The following HAUS5 variants were observed in gnomAD, a reference collection of about 807,000 sequenced individuals.
HAUS5 encodes HAUS augmin-like complex subunit 5.
Under a neutral mutation model 94.1 loss-of-function variants are expected in HAUS5, and 67 were observed. That is an observed-to-expected ratio of 0.71 (90% CI 0.58 to 0.87). The LOEUF is 0.87. Ranked by LOEUF, HAUS5 falls within the 40% of genes least tolerant of loss-of-function variation. The probability of loss-of-function intolerance (pLI) is 0.00; values close to 1 mark genes in which losing one functional copy is unlikely to be tolerated. For synonymous variants in HAUS5, 339 were observed against 355.4 expected (o/e 0.95, Z 0.52); for missense variants, 739 against 825.6 (o/e 0.90, Z 1.29).
intron 18 of HAUS5, 32 bp from the exon 19 acceptor site, chr19:35,622,844 C>T (rs1462240322): frequency 6.2e-7 from 1 of 1,606,072 alleles, no homozygotes. Context: ...GAGGGTCAGT[C>T]CTTTCCTCGT....
In HAUS5 at chr19:35,614,031, CTAGG is replaced by C. The variant is rs1415611876; in HGVS notation, c.195-1_197del. ...ATCCGCTGACTCTGGCCTCGTTTTC[CTAGG>C]TATGGCCACCAGGACAGTCCACAGG... On this transcript the variant is annotated splice_acceptor_variant and splice_polypyrimidine_tract_variant and coding_sequence_variant and intron_variant, in exon 4 of 19. Transcript: ENST00000203166. LOFTEE classifies it high-confidence loss of function. 1.2e-6 allele frequency: 2 copies of C among 1,613,852 alleles called. No homozygotes were observed. Among genetic ancestry groups the C allele is most frequent in the Non-Finnish European group, 1.7e-6 (2 of 1,179,874 alleles).
rs749904075 is a variant in HAUS5 at position 35,618,619 on chromosome 19, G to A, written c.936G>A (p.Leu312=). Reference sequence around the variant, plus strand: ...TGGTCTCCCAGCGGAGCACCCTCCTGAAGGAGCGGCAAGTCTTGACCCAGC... The same window carrying A: ...TGGTCTCCCAGCGGAGCACCCTCCTAAAGGAGCGGCAAGTCTTGACCCAGC... The part of the protein sequence containing the change: ...GVLVSQRSTL[L]KERQVLTQRL... Residue 312 remains leucine (L), a synonymous_variant, in exon 12 of 19, where the codon CTG becomes CTA. Transcript: ENST00000203166. 44 of 1,608,102 alleles carry A rather than the reference G, an allele frequency of 2.7e-5. No individual in the cohort carries two copies. In the Admixed American group the frequency reaches 7.4e-4, roughly 27 times the overall value.
At chr19:35,617,412 T>C (rs2071954036) in intron 8 of HAUS5, 43 bp downstream of exon 8, 12 of 1,321,574 alleles carry the variant, frequency 9.1e-6, no homozygotes, top group Non-Finnish European at 1.3e-5. Flanking sequence ...AGACCCTGGG[T>C]TTTAAGTGGG....
chr19:35,624,698 A>G lies in HAUS5; in HGVS notation c.*1705A>G, dbSNP rs538279489. 6.6e-6 allele frequency: 1 copy of G among 152,120 alleles called. No homozygotes were observed. Among genetic ancestry groups the G allele is most frequent in the South Asian group, 2.1e-4 (1 of 4,808 alleles). 9.4% of individuals were successfully genotyped at this position (152,120 alleles called of 1,614,324 possible). A position where few individuals can be genotyped will look rare whatever the true frequency, so the allele number is the denominator to read the frequency against. ...CCAACTCCTGGCCTCAAGTGATTCT[A>G]TCGCCTCTGCCTCCCAAATCTTCAC... is the stretch of plus-strand genomic sequence containing the variant. On this transcript the variant is annotated 3_prime_UTR_variant, in exon 19 of 19. Transcript: ENST00000203166.
intron 8 of HAUS5, 73 bp downstream of exon 8, chr19:35,617,442 C>T (rs1037716074): frequency 2.1e-6 from 2 of 968,432 alleles, no homozygotes; most frequent in East Asian, 4.8e-5. Flanking sequence ...TTTATTAATT[C>T]CTCAGACACT....
At position 35,615,136 on chromosome 19, in the gene HAUS5, C is replaced by G; in HGVS notation, c.314C>G (p.Thr105Ser). ...DQSLELMERD[T>S]EAQDTAMEQA... ...AGCCTGGAGCTGATGGAGCGAGACA[C>G]TGAGGCTCAGGGTGAGCCATGGGGC... The change falls in exon 5 of 19, where the codon ACT becomes AGT. Residue 105 changes from threonine (T) to serine (S), a missense_variant. Coordinates refer to ENST00000203166, the MANE Select transcript of HAUS5 (RefSeq NM_015302.2). 1 of 1,610,534 alleles carries G rather than the reference C, an allele frequency of 6.2e-7. No individual in the cohort carries two copies. The highest frequency in any genetic ancestry group is 1.1e-5 in the South Asian group (1 of 90,400).
Position 35,622,692 on chromosome 19 carries a change from A to G in HAUS5, c.1743A>G (p.Ala581=), listed in dbSNP as rs1345094294. The G allele has an allele frequency of 1.2e-6, 2 of 1,614,140 alleles. No homozygotes were observed. Among genetic ancestry groups the G allele is most frequent in the Non-Finnish European group, 1.7e-6 (2 of 1,180,006 alleles). Residue 581 remains alanine, a synonymous_variant, in exon 18 of 19, where the codon GCA becomes GCG. Coordinates refer to ENST00000203166, the MANE Select transcript of HAUS5 (RefSeq NM_015302.2). ...LKRLEKLLKQ[A]LERIPELQGI... ...GGCTGGAGAAGCTACTGAAACAGGC[A>G]CTGGAGCGAATCCCTGAGCTGCAGG...
At position 35,623,776 on chromosome 19, in the gene HAUS5, AGG is replaced by A. The variant is rs1266329028; in HGVS notation, c.*784_*785del. 1 of 152,222 alleles carries A rather than the reference AGG, an allele frequency of 6.6e-6. No homozygotes were observed. The highest frequency in any genetic ancestry group is 1.9e-4 in the East Asian group (1 of 5,202). The allele number at this position is 152,222 out of a possible 1,614,324, so 9.4% of individuals were successfully genotyped here. Reference sequence around the variant, plus strand: ...GAAGGTGGGTGGCAGGGATCAACTGAGGAGGAGACACAGAAATGTCCTAGCTG... The same window carrying A: ...GAAGGTGGGTGGCAGGGATCAACTGAAGGAGACACAGAAATGTCCTAGCTG... On this transcript the variant is annotated 3_prime_UTR_variant, in exon 19 of 19. Coordinates refer to ENST00000203166, the MANE Select transcript of HAUS5 (RefSeq NM_015302.2).
chr19:35,614,971 C>T (rs1039796174), intron 4 of HAUS5, 71 bp from the exon 5 acceptor site: 2 of 1,155,676 alleles, frequency 1.7e-6, no homozygotes, highest in Admixed American at 2.2e-5. Context: ...GTTGAGGAGC[C>T]TGGTACCCCC....
chr19:35,617,767 C>G, intron 8 of HAUS5, 88 bp from the exon 9 acceptor site: 1 of 1,135,972 alleles, frequency 8.8e-7, no homozygotes, highest in Non-Finnish European at 1.3e-6. Flanking sequence ...GGGAAGATGA[C>G]AGCCCCTACC....
intron 6 of HAUS5, 56 bp from the exon 7 acceptor site, chr19:35,617,068 G>A: frequency 4.9e-6 from 7 of 1,435,050 alleles, no homozygotes; most frequent in Non-Finnish European, 5.9e-6. Flanking sequence ...GAGGAGATGG[G>A]GCACAGACAT....
rs747025559 is a variant in HAUS5 at position 35,619,765 on chromosome 19, C to A, written c.1406+7C>A. On this transcript the variant is annotated splice_region_variant and intron_variant, in intron 15 of 18. Coordinates refer to ENST00000203166, the MANE Select transcript of HAUS5 (RefSeq NM_015302.2). ...TGCGGCACAGGCCGGGAGAGTGAGA[C>A]TGGGGCTGCCCCACCCCTGCCCTGC... The A allele has an allele frequency of 1.3e-6, 2 of 1,539,200 alleles. No homozygotes were observed. The highest frequency in any genetic ancestry group is 1.2e-5 in the South Asian group (1 of 81,230).
Position 35,622,992 on chromosome 19 carries a change from G to T in HAUS5, c.1901G>T (p.Ter634LeuextTer84). The T allele has an allele frequency of 6.3e-7, 1 of 1,594,500 alleles. No homozygotes were observed. Among genetic ancestry groups the T allele is most frequent in the South Asian group, 1.1e-5 (1 of 90,494 alleles). ...GGGGCCCTGCAGAAGCTGTGCAGCT[G>T]AAGAGAGGGTTCAAACGGAAGCCGA... is the stretch of plus-strand genomic sequence containing the variant. Reference protein sequence around the residue: ...AQGALQKLCS* With the variant: ...AQGALQKLCSL Residue 634 changes from the stop codon to leucine, a stop_lost, in exon 19 of 19, where the codon TGA becomes TTA. Coordinates refer to ENST00000203166, the MANE Select transcript of HAUS5 (RefSeq NM_015302.2).
Position 35,620,215 on chromosome 19 carries a change from G to C in HAUS5, c.1539G>C (p.Pro513=), listed in dbSNP as rs368408592. 1 of 1,613,612 alleles carries C rather than the reference G, an allele frequency of 6.2e-7. No individual in the cohort carries two copies. The highest frequency in any genetic ancestry group is 1.7e-5 in the Admixed American group (1 of 60,002). The change falls in exon 17 of 19, where the codon CCG becomes CCC. Residue 513 remains proline, a synonymous_variant. Transcript: ENST00000203166. ...TCCAGGCCTCGGAGCTGCTCCTGCCGGCGGCTGCCTCTCTTCGCCAGGACC... is the reference window on the plus strand; with the variant it reads ...TCCAGGCCTCGGAGCTGCTCCTGCCCGCGGCTGCCTCTCTTCGCCAGGACC... ...PPGKASELLL[P]AAASLRQDLL...
chr19:35,617,150 G>T lies in HAUS5; in HGVS notation c.512G>T (p.Gly171Val), dbSNP rs1409004012. Reference sequence around the variant, plus strand: ...AAAGCCAAAGTAGATGTGACCTTTGGATCCCTCACGTCGGCAGCTCTGGGC... The same window carrying T: ...AAAGCCAAAGTAGATGTGACCTTTGTATCCCTCACGTCGGCAGCTCTGGGC... ...ERKAKVDVTF[G>V]SLTSAALGLE... Residue 171 changes from glycine to valine, a missense_variant, in exon 7 of 19, where the codon GGA (glycine) becomes GTA (valine). Physicochemically the swap from Gly to Val is moderately radical, Grantham distance 109. Coordinates refer to ENST00000203166, the MANE Select transcript of HAUS5 (RefSeq NM_015302.2). The T allele has an allele frequency of 6.2e-7, 1 of 1,613,958 alleles. No homozygotes were observed. The highest frequency in any genetic ancestry group is 8.5e-7 in the Non-Finnish European group (1 of 1,179,880).
At chr19:35,617,042 G>T in intron 6 of HAUS5, 82 bp from the exon 7 acceptor site, 2 of 1,152,150 alleles carry the variant, frequency 1.7e-6, no homozygotes, top group Non-Finnish European at 2.6e-6. Flanking sequence ...CCTCTGACCG[G>T]CCTTGCTGGC....
intron 4 of HAUS5, chr19:35,614,290 T>G (rs1456553281): frequency 5.1e-6 from 3 of 588,368 alleles, no homozygotes; most frequent in Non-Finnish European, 9.1e-6. Flanking sequence ...AGGCCTCATC[T>G]CAGGTGATGA....
rs746100585 is a variant in HAUS5 at position 35,622,722 on chromosome 19, C to T, written c.1773C>T (p.Ile591=). Reference sequence around the variant, plus strand: ...AGCGAATCCCTGAGCTGCAGGGGATCGTGGGGGACTGGTGAGAGGGGAACG... The same window carrying T: ...AGCGAATCCCTGAGCTGCAGGGGATTGTGGGGGACTGGTGAGAGGGGAACG... The part of the protein sequence containing the change: ...ALERIPELQG[I]VGDWWEQPGQ... Residue 591 remains isoleucine, a synonymous_variant, in exon 18 of 19, where the codon ATC becomes ATT. Coordinates refer to ENST00000203166, the MANE Select transcript of HAUS5 (RefSeq NM_015302.2). The T allele has an allele frequency of 1.2e-6, 2 of 1,613,990 alleles. No individual in the cohort carries two copies. Among genetic ancestry groups the T allele is most frequent in the East Asian group, 2.2e-5 (1 of 44,840 alleles).
chr19:35,623,106 C>T lies in HAUS5; in HGVS notation c.*113C>T, dbSNP rs752950582. On this transcript the variant is annotated 3_prime_UTR_variant, in exon 19 of 19. Coordinates refer to ENST00000203166, the MANE Select transcript of HAUS5 (RefSeq NM_015302.2). ...AGGATTCCTCGGCAGTCGTCCCCAC[C>T]CGCACCTGCAGTCCCCTCATGTGCT... 1 of 729,502 alleles carries T rather than the reference C, an allele frequency of 1.4e-6. No homozygotes were observed. Among genetic ancestry groups the T allele is most frequent in the Non-Finnish European group, 2.3e-6 (1 of 428,340 alleles). 45.2% of individuals were successfully genotyped at this position (729,502 alleles called of 1,614,324 possible). A position where few individuals can be genotyped will look rare whatever the true frequency, so the allele number is the denominator to read the frequency against.
Sources: gnomAD v4.1 joint callset for allele counts on GRCh38, gnomAD v4.1.1 for gene constraint, MANE v1.5 for transcripts, NCBI Gene and HGNC (gene_info 2026-07-23, HGNC 2026-07-21) for gene names.